ALKBH8: variants seen among roughly 807,000 people sequenced by gnomAD.
ALKBH8 encodes the protein alkB homolog 8, tRNA methyltransferase, also known as tRNA (carboxymethyluridine(34)-5-O)-methyltransferase ALKBH8.
In ALKBH8, 36 loss-of-function variants were observed where a neutral mutation model predicts 59.8. The ratio of observed to expected loss-of-function variants is 0.60; its 90% CI spans 0.46 to 0.79. The LOEUF is 0.79. Ranked by LOEUF, ALKBH8 falls within the 30% of genes least tolerant of loss-of-function variation. The pLI is 0.00. For synonymous variants in ALKBH8, 276 were observed against 273.6 expected (o/e 1.01, Z -0.09); for missense variants, 768 against 801.0 (o/e 0.96, Z 0.50).
chr11:107,560,973 A>G, intron 1 of ALKBH8, 74 bp from the exon 2 acceptor site: 1 of 1,320,914 alleles, frequency 7.6e-7, no homozygotes, highest in Non-Finnish European at 1.0e-6. Flanking sequence ...TGTTATTCAT[A>G]CATTCTATAG....
chr11:107,551,592 G>A (rs1337329356), intron 6 of ALKBH8, among the ~76,000 whole-genome samples: 1 of 151,626 alleles, frequency 6.6e-6, no homozygotes, highest in Non-Finnish European at 1.5e-5. Flanking sequence ...TACTTGGGAA[G>A]CTGAGGCAGG....
intron 10 of ALKBH8, among the ~76,000 whole-genome samples, chr11:107,512,304 T>TG (rs1565313697): frequency 3.5e-4 from 3 of 8,666 alleles, no homozygotes; most frequent in African/African-American, 1.6e-3. Flanking sequence ...ATTTTAAGGG[T>TG]TTTTTTTTGT....
chr11:107,542,554 T>C (rs619633), intron 7 of ALKBH8, among the ~76,000 whole-genome samples: 68,983 of 152,018 alleles, frequency 0.45, 16,990 homozygotes, highest in Non-Finnish European at 0.56. Context: ...ACAGAAAACA[T>C]GGGATGCAAT....
At chr11:107,550,245 T>C (rs1265484676) in intron 6 of ALKBH8, among the ~76,000 whole-genome samples, 1 of 152,210 alleles carries the variant, frequency 6.6e-6, no homozygotes, top group East Asian at 1.9e-4. Flanking sequence ...TCTCCACTGA[T>C]CTATCAATTT....
rs117581309 is a variant in ALKBH8, at chr11:107,558,691, T to C, written c.130-1688A>G. Among the ~76,000 whole-genome samples the C allele has an allele frequency of 1.5e-4, 23 of 152,326 alleles. No individual in the cohort carries two copies. In the East Asian group the frequency reaches 4.0e-3, roughly 27 times the overall value. On this transcript the variant is annotated intron_variant, in intron 2 of 11. Coordinates refer to ENST00000428149, the MANE Select transcript of ALKBH8 (RefSeq NM_138775.3). ...TATTTTCCATTAAATGTGAGATACA[T>C]ATAATTAAATGTCATAACTAAATGT...
intron 5 of ALKBH8, 37 bp from the exon 6 acceptor site, chr11:107,551,949 A>G (rs764202131): frequency 4.9e-6 from 6 of 1,228,122 alleles, no homozygotes; most frequent in Non-Finnish European, 5.5e-6. Context: ...ACATTAAAAT[A>G]TTTACTTTGC....
At chr11:107,518,280 G>A (rs1385436051) in intron 10 of ALKBH8, among the ~76,000 whole-genome samples, 1 of 152,090 alleles carries the variant, frequency 6.6e-6, no homozygotes, top group African/African-American at 2.4e-5. Flanking sequence ...TTTTCTAAAT[G>A]ATAGTTATTT....
chr11:107,522,189 T>C, intron 10 of ALKBH8, 110 bp downstream of exon 10: 2 of 1,293,420 alleles, frequency 1.5e-6, no homozygotes, highest in Non-Finnish European at 2.1e-6. Context: ...ATCTGTTGGT[T>C]ATAACTTTCT....
chr11:107,526,434 T>C (rs777746966), intron 8 of ALKBH8, among the ~76,000 whole-genome samples: 5 of 151,976 alleles, frequency 3.3e-5, no homozygotes, highest in Non-Finnish European at 5.9e-5. Flanking sequence ...AAAGGATCTG[T>C]CCAACCCTTT....
intron 10 of ALKBH8, among the ~76,000 whole-genome samples, chr11:107,519,692 A>G (rs952517989): frequency 1.3e-5 from 2 of 152,210 alleles, no homozygotes; most frequent in Non-Finnish European, 2.9e-5. Context: ...CCTCCAATGA[A>G]CATCTCCTTT....
Position 107,504,548 on chromosome 11 carries a change from T to C in ALKBH8, c.*110A>G. On this transcript the variant is annotated 3_prime_UTR_variant, in exon 12 of 12. Coordinates refer to ENST00000428149, the MANE Select transcript of ALKBH8 (RefSeq NM_138775.3). Reference sequence around the variant, plus strand: ...CTTCCAAATTTTTCTCAGCTTTCCTTTGGTACTTTCCCACAAGTTTTCTCT... The same window carrying C: ...CTTCCAAATTTTTCTCAGCTTTCCTCTGGTACTTTCCCACAAGTTTTCTCT... 1 of 1,392,106 alleles carries C rather than the reference T, an allele frequency of 7.2e-7. No individual in the cohort carries two copies. Among genetic ancestry groups the C allele is most frequent in the Non-Finnish European group, 9.9e-7 (1 of 1,008,354 alleles). 86.2% of individuals were successfully genotyped at this position (1,392,106 alleles called of 1,614,324 possible).
intron 10 of ALKBH8, among the ~76,000 whole-genome samples, chr11:107,521,877 C>A (rs1303713699): frequency 2.0e-5 from 3 of 151,972 alleles, no homozygotes; most frequent in African/African-American, 4.8e-5. Context: ...CAGTTATGTC[C>A]CCTAATTATA....
intron 2 of ALKBH8, among the ~76,000 whole-genome samples, chr11:107,557,539 C>T (rs1056062283): frequency 4.6e-5 from 7 of 152,006 alleles, no homozygotes; most frequent in Non-Finnish European, 8.8e-5. Flanking sequence ...TTCCAGGATC[C>T]GCACTTTTAA....
At chr11:107,516,094 C>T (rs1348504197) in intron 10 of ALKBH8, among the ~76,000 whole-genome samples, 1 of 152,162 alleles carries the variant, frequency 6.6e-6, no homozygotes, top group Admixed American at 6.5e-5. Flanking sequence ...ACATAACACA[C>T]TTGGAGTTAG....
At chr11:107,561,135 T>C (rs1034101885) in intron 1 of ALKBH8, among the ~76,000 whole-genome samples, 3 of 152,172 alleles carry the variant, frequency 2.0e-5, no homozygotes, top group Non-Finnish European at 4.4e-5. Context: ...TCCAATGTGG[T>C]AGCTCCATTA....
intron 2 of ALKBH8, among the ~76,000 whole-genome samples, chr11:107,560,085 T>C (rs1864877145): frequency 6.6e-6 from 1 of 152,202 alleles, no homozygotes; most frequent in South Asian, 2.1e-4. Context: ...TGCAATACTA[T>C]GCCCTGCTTA....
intron 9 of ALKBH8, 99 bp downstream of exon 9, chr11:107,525,342 G>T (rs1863304951): frequency 9.0e-7 from 1 of 1,106,846 alleles, no homozygotes; most frequent in Non-Finnish European, 1.2e-6. Flanking sequence ...TGCCATTAGA[G>T]AGATTCAGAA....
At position 107,511,122 on chromosome 11, in the gene ALKBH8, A is replaced by G; in HGVS notation, c.1288-86T>C. ...TGAACTTATTCCATACCTTAAAGTCATTAGACAGATACCATATTCATTGTG... is the reference window on the plus strand; with the variant it reads ...TGAACTTATTCCATACCTTAAAGTCGTTAGACAGATACCATATTCATTGTG... On this transcript the variant is annotated intron_variant, in intron 10 of 11. Transcript: ENST00000428149. The G allele has an allele frequency of 3.0e-6, 4 of 1,322,386 alleles. No homozygotes were observed. The South Asian group carries it at 4.1e-5, about 14-fold the overall frequency. The allele number at this position is 1,322,386 out of a possible 1,614,324, so 81.9% of individuals were successfully genotyped here. A position where few individuals can be genotyped will look rare whatever the true frequency, so the allele number is the denominator to read the frequency against.
rs1332299358 is a variant in ALKBH8, at chr11:107,522,477, A to T, written c.1109T>A (p.Leu370Gln). Residue 370 changes from leucine to glutamine, a missense_variant, in exon 10 of 12, where the codon CTG becomes CAG. Leu to Gln is a moderately radical substitution (Grantham distance 113, BLOSUM62 -2). Coordinates refer to ENST00000428149, the MANE Select transcript of ALKBH8 (RefSeq NM_138775.3). ...AACCTGATGGACGTACTCTTGCTCCAGCCGTGAGGCTTCTTTATCACTCTC... is the reference window on the plus strand; with the variant it reads ...AACCTGATGGACGTACTCTTGCTCCTGCCGTGAGGCTTCTTTATCACTCTC... ...FPESDKEASR[L>Q]EQEYVHQVYE... 6.4e-7 allele frequency: 1 copy of T among 1,551,724 alleles called. No homozygotes were observed.
Sources: gnomAD v4.1 joint callset for allele counts (sites outside exome capture counted in the v4.1 genomes callset) on GRCh38, gnomAD v4.1.1 for gene constraint, MANE v1.5 for transcripts, NCBI Gene and HGNC (gene_info 2026-07-23, HGNC 2026-07-21) for gene names.